Variants in DMXL1 observed in about 807,000 individuals in gnomAD.
The protein encoded by DMXL1 is dmX-like protein 1.
DMXL1 carries 99 observed loss-of-function variants against 319.2 expected under a neutral mutation model. The ratio of observed to expected loss-of-function variants is 0.31; its 90% CI spans 0.26 to 0.37. The LOEUF (loss-of-function observed/expected upper bound fraction) is 0.37. Ranked by LOEUF, DMXL1 falls within the 10% of genes least tolerant of loss-of-function variation. The pLI is 1.00. For missense variants in DMXL1, 3,745 were observed against 3,595.6 expected (o/e 1.04, Z -1.06); for synonymous variants, 1,385 against 1,235.2 (o/e 1.12, Z -2.54).
intron 19 of DMXL1, among the ~76,000 whole-genome samples, chr5:119,162,135 CCGCA>C (rs1772408891): frequency 3.3e-5 from 5 of 152,108 alleles, no homozygotes; most frequent in Non-Finnish European, 5.9e-5. Flanking sequence ...TCTTCTTGTA[CCGCA>C]AGCAAATCAG....
intron 14 of DMXL1, 115 bp downstream of exon 14, chr5:119,144,045 C>G (rs1213240394): frequency 4.8e-6 from 3 of 621,370 alleles, no homozygotes; most frequent in Non-Finnish European, 5.6e-6. Flanking sequence ...CAGGTAGATT[C>G]AGTAATTAAC....
chr5:119,204,484 A>G (rs1164437603), intron 33 of DMXL1, among the ~76,000 whole-genome samples: 1 of 151,822 alleles, frequency 6.6e-6, no homozygotes, highest in Non-Finnish European at 1.5e-5. Flanking sequence ...TTATGCTTAA[A>G]TTAATGAAAT....
chr5:119,143,580 T>C (rs560215410), intron 13 of DMXL1, among the ~76,000 whole-genome samples: 3 of 152,140 alleles, frequency 2.0e-5, no homozygotes, highest in South Asian at 2.1e-4. Context: ...ATTTTTCACA[T>C]TTATGGATGT....
chr5:119,188,210 C>T (rs2150362927), intron 28 of DMXL1, among the ~76,000 whole-genome samples: 1 of 152,084 alleles, frequency 6.6e-6, no homozygotes, highest in South Asian at 2.1e-4. Context: ...ATTAATTTAA[C>T]ATTGTACGTG....
At chr5:119,204,684 T>C (rs969637208) in intron 33 of DMXL1, among the ~76,000 whole-genome samples, 2 of 152,054 alleles carry the variant, frequency 1.3e-5, no homozygotes, top group Middle Eastern at 3.2e-3. Context: ...GAACAGTAGA[T>C]GCAGTGATGT....
chr5:119,171,690 A>C (rs757912886), intron 24 of DMXL1, 88 bp from the exon 25 acceptor site: 61 of 1,004,062 alleles, frequency 6.1e-5, no homozygotes, highest in South Asian at 2.7e-4. Flanking sequence ...AATTGTTTTG[A>C]AGTGTTTTAA....
In DMXL1 at chr5:119,150,036, T is replaced by A; in HGVS notation, c.4209T>A (p.Val1403=). ...ENTDYTEIDS[V]PPLPLYALLA... is the part of the protein sequence containing the mutation. Reference sequence around the variant, plus strand: ...CAGATTACACAGAAATAGATTCTGTTCCTCCACTTCCTTTATATGCCTTAC... The same window carrying A: ...CAGATTACACAGAAATAGATTCTGTACCTCCACTTCCTTTATATGCCTTAC... The change falls in exon 18 of 44, where the codon GTT becomes GTA. Residue 1403 remains valine (V), a synonymous_variant. Transcript: ENST00000539542. 1 of 1,613,944 alleles carries A rather than the reference T, an allele frequency of 6.2e-7. No homozygotes were observed. Among genetic ancestry groups the A allele is most frequent in the Non-Finnish European group, 8.5e-7 (1 of 1,179,894 alleles).
intron 39 of DMXL1, among the ~76,000 whole-genome samples, chr5:119,235,217 G>T (rs1023931421): frequency 3.3e-5 from 5 of 152,088 alleles, no homozygotes; most frequent in African/African-American, 1.2e-4. Context: ...GAAAAACTAA[G>T]TGTCTGGAAA....
intron 3 of DMXL1, among the ~76,000 whole-genome samples, chr5:119,104,899 TAAAG>T (rs573553705): frequency 3.3e-5 from 5 of 152,172 alleles, no homozygotes; most frequent in Non-Finnish European, 7.4e-5. Context: ...ACTGTAATAA[TAAAG>T]TAATAATTAA....
intron 28 of DMXL1, among the ~76,000 whole-genome samples, chr5:119,181,169 GCCATTATAAGT>G (rs796663411): frequency 3.2e-4 from 48 of 152,276 alleles, no homozygotes; most frequent in African/African-American, 9.9e-4. Flanking sequence ...TTTTGGGGGG[GCCATTATAAGT>G]CCGTCATAAG....
chr5:119,176,842 G>A (rs1457605051), intron 26 of DMXL1, among the ~76,000 whole-genome samples: 3 of 152,052 alleles, frequency 2.0e-5, no homozygotes, highest in African/African-American at 7.2e-5. Flanking sequence ...CTCAAATTGT[G>A]TGAAATACTC....
intron 40 of DMXL1, among the ~76,000 whole-genome samples, chr5:119,238,304 T>C (rs1417819609): frequency 6.6e-6 from 1 of 152,078 alleles, no homozygotes; most frequent in African/African-American, 2.4e-5. Context: ...GAATAATCTT[T>C]GGTGTGGTGA....
chr5:119,072,505 C>G (rs1430953080), intron 1 of DMXL1, among the ~76,000 whole-genome samples: 1 of 151,942 alleles, frequency 6.6e-6, no homozygotes, highest in Non-Finnish European at 1.5e-5. Context: ...TTGTCACTGC[C>G]TGGGAATACT....
chr5:119,244,476 A>G lies in DMXL1; in HGVS notation c.8822A>G (p.Gln2941Arg), dbSNP rs761169048. 6.2e-7 allele frequency: 1 copy of G among 1,614,210 alleles called. No homozygotes were observed. The highest frequency in any genetic ancestry group is 1.1e-5 in the South Asian group (1 of 91,090). Reference protein sequence around the residue: ...TYVFDLCQRQQRQLFQSHDSP... With the variant: ...TYVFDLCQRQRRQLFQSHDSP... ...GTATTTGACCTTTGTCAACGACAAC[A>G]GAGGCAGCTTTTCCAGAGCCATGAT... is the stretch of plus-strand genomic sequence containing the variant. Residue 2941 changes from glutamine to arginine, a missense_variant, in exon 43 of 44, where the codon CAG becomes CGG. Coordinates refer to ENST00000539542, the MANE Select transcript of DMXL1 (RefSeq NM_001290321.3).
At chr5:119,147,219 A>C in intron 16 of DMXL1, 30 bp from the exon 17 acceptor site, 2 of 1,578,260 alleles carry the variant, frequency 1.3e-6, no homozygotes, top group South Asian at 1.1e-5. Context: ...CCCCTGCCTC[A>C]GTTTTTGGTT....
intron 13 of DMXL1, among the ~76,000 whole-genome samples, chr5:119,139,471 C>A (rs185381618): frequency 6.6e-6 from 1 of 152,110 alleles, no homozygotes; most frequent in African/African-American, 2.4e-5. Context: ...GCCGGGTTGC[C>A]ATCCTGATTT....
intron 38 of DMXL1, among the ~76,000 whole-genome samples, chr5:119,226,257 T>A (rs1419113905): frequency 6.6e-6 from 1 of 152,132 alleles, no homozygotes; most frequent in Admixed American, 6.6e-5. Flanking sequence ...TACTGGATTT[T>A]TTTTCCAGTA....
At chr5:119,206,802 C>G in intron 33 of DMXL1, 32 bp from the exon 34 acceptor site, 1 of 1,389,950 alleles carries the variant, frequency 7.2e-7, no homozygotes, top group Non-Finnish European at 9.7e-7. Flanking sequence ...CATCTTTACT[C>G]TTTGTCATGT....
At chr5:119,086,938 A>G (rs1753507506) in intron 1 of DMXL1, among the ~76,000 whole-genome samples, 1 of 151,982 alleles carries the variant, frequency 6.6e-6, no homozygotes, top group Admixed American at 6.6e-5. Flanking sequence ...GGTAGGTTGT[A>G]TGTGTCCAGG....
Sources: gnomAD v4.1 joint callset for allele counts (sites outside exome capture counted in the v4.1 genomes callset) on GRCh38, gnomAD v4.1.1 for gene constraint, MANE v1.5 for transcripts, NCBI Gene and HGNC (gene_info 2026-07-23, HGNC 2026-07-21) for gene names.